The following MSTO1 variants were observed in gnomAD, a reference collection of about 807,000 sequenced individuals.
The protein encoded by MSTO1 is misato mitochondrial distribution and morphology regulator 1, also known as protein misato homolog 1.
Under a neutral mutation model 55.7 loss-of-function variants are expected in MSTO1, and 24 were observed. That is an observed-to-expected ratio of 0.43 (90% confidence interval 0.31 to 0.61). MSTO1 has a LOEUF of 0.61. MSTO1 is among the 20% of genes least tolerant of loss of function. The pLI is 0.09. For missense variants in MSTO1, 363 were observed against 625.7 expected, an observed-to-expected ratio of 0.58 and a Z score of 4.48; for synonymous variants, 162 against 252.8, an observed-to-expected ratio of 0.64 and a Z score of 3.41.
At chr1:155,585,130 C>T in the MSTO1 span, among the ~76,000 whole-genome samples, 3 of 152,116 alleles carry the variant, frequency 2.0e-5, no homozygotes, top group African/African-American at 7.2e-5. Flanking sequence ...GTTTGTTCAC[C>T]ATTGTATTCA....
the MSTO1 span, among the ~76,000 whole-genome samples, chr1:155,602,454 C>T: frequency 2.0e-5 from 3 of 152,076 alleles, no homozygotes; most frequent in East Asian, 3.9e-4. Context: ...CCAGCCTGGG[C>T]GACAAGAGCG....
chr1:155,606,771 T>G (rs1558242537), upstream of MSTO1, among the ~76,000 whole-genome samples: 1 of 152,100 alleles, frequency 6.6e-6, no homozygotes, highest in Non-Finnish European at 1.5e-5. Flanking sequence ...TCCACCTGCC[T>G]CAGCCTTCCA....
At chr1:155,604,393 G>C in the MSTO1 span, among the ~76,000 whole-genome samples, 2 of 152,172 alleles carry the variant, frequency 1.3e-5, no homozygotes, top group East Asian at 3.9e-4. Context: ...TGATTCTAAC[G>C]CAATTTAAAC....
the MSTO1 span, among the ~76,000 whole-genome samples, chr1:155,581,682 G>A: frequency 1.3e-5 from 2 of 152,104 alleles, no homozygotes; most frequent in African/African-American, 2.4e-5. Flanking sequence ...GATTACAGGC[G>A]TGAGCCACTG....
chr1:155,577,149 C>T, the MSTO1 span, among the ~76,000 whole-genome samples: 4 of 146,698 alleles, frequency 2.7e-5, no homozygotes, highest in Non-Finnish European at 6.0e-5. Context: ...AGTGCAGTGG[C>T]GCAATCTCAG....
upstream of MSTO1, chr1:155,609,971 C>A: frequency 2.1e-6 from 1 of 468,400 alleles, no homozygotes; most frequent in East Asian, 3.9e-5. Context: ...CCCAAGTCAG[C>A]GGCGGAGACG....
chr1:155,581,693 C>T, the MSTO1 span, among the ~76,000 whole-genome samples: 2 of 152,028 alleles, frequency 1.3e-5, no homozygotes, highest in South Asian at 2.1e-4. Flanking sequence ...TGAGCCACTG[C>T]GCCCGGCATG....
chr1:155,608,935 T>A (rs1673150338), upstream of MSTO1, among the ~76,000 whole-genome samples: 2 of 149,652 alleles, frequency 1.3e-5, no homozygotes, highest in Admixed American at 6.7e-5. Flanking sequence ...AATGATTCCC[T>A]GACTCAGCCT....
chr1:155,572,913 G>A, the MSTO1 span, among the ~76,000 whole-genome samples: 1 of 152,044 alleles, frequency 6.6e-6, no homozygotes, highest in East Asian at 1.9e-4. Flanking sequence ...GCCTCCCAAA[G>A]TGCTCAGATG....
the MSTO1 span, among the ~76,000 whole-genome samples, chr1:155,585,894 A>G: frequency 4.5e-4 from 68 of 151,794 alleles, no homozygotes; most frequent in Non-Finnish European, 8.5e-4. Flanking sequence ...GTTTTCCTAT[A>G]TATATATCCC....
At chr1:155,597,494 G>C in the MSTO1 span, among the ~76,000 whole-genome samples, 1 of 151,592 alleles carries the variant, frequency 6.6e-6, no homozygotes, top group Non-Finnish European at 1.5e-5. Context: ...ATTGATGTAG[G>C]ATTTGACAGG....
At chr1:155,580,926 AAAG>A in the MSTO1 span, among the ~76,000 whole-genome samples, 3 of 151,390 alleles carry the variant, frequency 2.0e-5, no homozygotes, top group African/African-American at 7.3e-5. Context: ...AAAAAAAAAA[AAAG>A]GGAGAGAGAA....
the MSTO1 span, among the ~76,000 whole-genome samples, chr1:155,571,707 G>A: frequency 3.9e-5 from 6 of 152,242 alleles, no homozygotes; most frequent in East Asian, 9.6e-4. Flanking sequence ...AGAAAATACA[G>A]CATAAGGAAT....
At position 155,612,535 on chromosome 1, in the gene MSTO1, G is replaced by C. The variant is rs149058840; in HGVS notation, c.931G>C (p.Glu311Gln). Reference protein sequence around the residue: ...SLGGSLGLRPEPPVSFPYLHY... With the variant: ...SLGGSLGLRPQPPVSFPYLHY... Reference sequence around the variant, plus strand: ...GGGTGGGAGCCTGGGCCTGCGACCCGAGCCACCTGTCAGCTTCCCTTACCT... The same window carrying C: ...GGGTGGGAGCCTGGGCCTGCGACCCCAGCCACCTGTCAGCTTCCCTTACCT... The change falls in exon 9 of 14, where the codon GAG (glutamate) becomes CAG (glutamine). Residue 311 changes from glutamate to glutamine, a missense_variant. By Grantham distance (29) the Glu-to-Gln change is conservative (BLOSUM62 2). Around this residue, in one of 3 missense-constraint regions of MSTO1, gnomAD observed 231 missense variants for 286.9 expected, o/e 0.81. Coordinates refer to ENST00000245564, the MANE Select transcript of MSTO1 (RefSeq NM_018116.4). 3 of 1,613,144 alleles carry C rather than the reference G, an allele frequency of 1.9e-6. No individual in the cohort carries two copies. In the South Asian group the frequency reaches 3.3e-5, roughly 18 times the overall value.
chr1:155,603,430 CA>C, the MSTO1 span, among the ~76,000 whole-genome samples: 7 of 152,032 alleles, frequency 4.6e-5, no homozygotes, highest in African/African-American at 1.7e-4. Flanking sequence ...ACAAAAATTA[CA>C]AAAAGAAATA....
At chr1:155,597,018 G>A in the MSTO1 span, among the ~76,000 whole-genome samples, 1 of 151,960 alleles carries the variant, frequency 6.6e-6, no homozygotes, top group Non-Finnish European at 1.5e-5. Flanking sequence ...GAGGTTGGAG[G>A]ATCTTATGAG....
chr1:155,570,100 G>A, the MSTO1 span, among the ~76,000 whole-genome samples: 1 of 152,140 alleles, frequency 6.6e-6, no homozygotes, highest in African/African-American at 2.4e-5. Flanking sequence ...TAAATTTACA[G>A]TTGAATTCAT....
Position 155,613,209 on chromosome 1 carries a change from G to A in MSTO1, c.1259G>A (p.Gly420Asp). Residue 420 changes from glycine (G) to aspartate (D), a missense_variant, in exon 11 of 14, where the codon GGT becomes GAT. By Grantham distance (94) the Gly-to-Asp change is moderately conservative (BLOSUM62 -1). This residue lies in a region of MSTO1 where 231 missense variants were observed against 286.9 expected (regional missense o/e 0.81). Coordinates refer to ENST00000245564, the MANE Select transcript of MSTO1 (RefSeq NM_018116.4). The part of the protein sequence containing the change: ...RCFAQSVVLR[G>D]IDRACHTSQL... The stretch of plus-strand genomic sequence containing the variant: ...TTTGCCCAGTCAGTGGTGCTGAGGG[G>A]TATAGACAGAGCATGCCACACAAGG... 1.9e-6 allele frequency: 3 copies of A among 1,614,080 alleles called. No individual in the cohort carries two copies. In the Middle Eastern group the frequency reaches 5.0e-4, roughly 266 times the overall value.
Position 155,612,162 on chromosome 1 carries a change from T to A in MSTO1, c.679-20T>A, listed in dbSNP as rs200355734. The A allele has an allele frequency of 1.2e-6, 2 of 1,613,610 alleles. No individual in the cohort carries two copies. The highest frequency in any genetic ancestry group is 3.3e-5 in the Admixed American group (2 of 60,010). ...TCTTCTCATCCTGCTAACTATCTTT[T>A]GTCACTCACCCCCGTCCAGGGCTTC... On this transcript the variant is annotated intron_variant, in intron 7 of 13. Transcript: ENST00000245564.
Sources: allele counts gnomAD v4.1 joint callset (sites outside exome capture counted in the v4.1 genomes callset), GRCh38; gene constraint gnomAD v4.1.1; regional missense constraint gnomAD v4.1.1; transcripts MANE v1.5; gene names NCBI Gene and HGNC (gene_info 2026-07-23, HGNC 2026-07-21).